Variants in GALNTL6 observed in about 807,000 individuals in gnomAD.
The protein encoded by GALNTL6 is polypeptide N-acetylgalactosaminyltransferase like 6, also known as polypeptide N-acetylgalactosaminyltransferase-like 6.
Under a neutral mutation model 73.7 loss-of-function variants are expected in GALNTL6, and 46 were observed. The observed-to-expected ratio is 0.62, with a 90% CI of 0.49 to 0.80. The LOEUF (loss-of-function observed/expected upper bound fraction) is 0.80, where lower values mean the gene tolerates loss of function less well. Among genes scored for constraint, GALNTL6 ranks in the 30% least tolerant of loss-of-function variants. GALNTL6 has a pLI of 0.00. For missense variants in GALNTL6, 604 were observed against 755.0 expected, an observed-to-expected ratio of 0.80 and a Z score of 2.34; for synonymous variants, 259 against 263.7, an observed-to-expected ratio of 0.98 and a Z score of 0.17.
At chr4:172,582,982 T>G (rs1737252147) in intron 5 of GALNTL6, among the ~76,000 whole-genome samples, 1 of 152,178 alleles carries the variant, frequency 6.6e-6, no homozygotes, top group South Asian at 2.1e-4. Context: ...TCACTTGAAA[T>G]TGAGAAAGTA....
chr4:171,846,015 T>C (rs778866700), intron 2 of GALNTL6, among the ~76,000 whole-genome samples: 45 of 152,162 alleles, frequency 3.0e-4, no homozygotes, highest in Non-Finnish European at 4.1e-4. Flanking sequence ...TGAGTTTGCT[T>C]TATTTCACTT....
chr4:172,343,934 A>C (rs987222380), intron 4 of GALNTL6, among the ~76,000 whole-genome samples: 1 of 152,202 alleles, frequency 6.6e-6, no homozygotes, highest in Non-Finnish European at 1.5e-5. Context: ...GTTACTCAAC[A>C]AAGAGATGTC....
intron 11 of GALNTL6, among the ~76,000 whole-genome samples, chr4:173,020,772 G>A (rs1752957838): frequency 6.6e-6 from 1 of 152,186 alleles, no homozygotes; most frequent in Non-Finnish European, 1.5e-5. Flanking sequence ...AGACCGTAGA[G>A]TGTTATTAAG....
chr4:171,944,122 T>A (rs1417758537), intron 2 of GALNTL6, among the ~76,000 whole-genome samples: 1 of 152,020 alleles, frequency 6.6e-6, no homozygotes, highest in Non-Finnish European at 1.5e-5. Context: ...GTATATCTTT[T>A]CATTATAAAA....
intron 5 of GALNTL6, among the ~76,000 whole-genome samples, chr4:172,393,477 G>T (rs1743738851): frequency 1.3e-5 from 2 of 152,042 alleles, no homozygotes; most frequent in African/African-American, 4.8e-5. Flanking sequence ...CTGAGTAGCA[G>T]GTTATTAAGT....
chr4:172,105,004 A>G (rs1732637452), intron 2 of GALNTL6, among the ~76,000 whole-genome samples: 1 of 152,210 alleles, frequency 6.6e-6, no homozygotes, highest in South Asian at 2.1e-4. Flanking sequence ...AAAGTCAACA[A>G]TTACAAAAAG....
chr4:172,671,377 G>A (rs971773877), intron 5 of GALNTL6, among the ~76,000 whole-genome samples: 4 of 152,086 alleles, frequency 2.6e-5, no homozygotes, highest in Non-Finnish European at 5.9e-5. Context: ...TCCCTAGTTA[G>A]CTGTATTCCT....
At chr4:172,057,228 C>T (rs1188366416) in intron 2 of GALNTL6, among the ~76,000 whole-genome samples, 8 of 151,766 alleles carry the variant, frequency 5.3e-5, no homozygotes, top group Admixed American at 3.3e-4. Flanking sequence ...AGCAACATGG[C>T]GAAACCCTGT....
intron 2 of GALNTL6, among the ~76,000 whole-genome samples, chr4:171,892,169 C>T (rs1216356717): frequency 2.0e-5 from 3 of 152,136 alleles, no homozygotes; most frequent in Admixed American, 2.0e-4. Context: ...TTCCTATCCC[C>T]AAGATACTTC....
chr4:173,022,469 A>G (rs534716758), intron 12 of GALNTL6, among the ~76,000 whole-genome samples: 3 of 152,356 alleles, frequency 2.0e-5, no homozygotes, highest in African/African-American at 7.2e-5. Flanking sequence ...AATAAGCAAA[A>G]CCACGCATAC....
chr4:172,872,235 A>G (rs1744985017), intron 7 of GALNTL6, among the ~76,000 whole-genome samples: 1 of 152,260 alleles, frequency 6.6e-6, no homozygotes, highest in African/African-American at 2.4e-5. Flanking sequence ...CAGAACAGAA[A>G]TAGGAAGCAA....
intron 5 of GALNTL6, among the ~76,000 whole-genome samples, chr4:172,534,136 CAG>C (rs1402375011): frequency 6.6e-6 from 1 of 152,186 alleles, no homozygotes; most frequent in Non-Finnish European, 1.5e-5. Flanking sequence ...ACTGCAAAAA[CAG>C]AGCTCAGAGT....
Position 171,990,984 on chromosome 4 carries a change from A to T in GALNTL6, c.138+176266A>T, listed in dbSNP as rs115659967. On this transcript the variant is annotated intron_variant, in intron 2 of 12. Transcript: ENST00000506823. ...ATGCAGATTGGAAAAAAGCATCAGA[A>T]TTTTCTGCCAAGCTTATGACTATCG... Among the ~76,000 whole-genome samples, 567 of 152,238 alleles carry T rather than the reference A, an allele frequency of 3.7e-3. 4 individuals carry two copies. The highest frequency in any genetic ancestry group is 0.013 in the African/African-American group (529 of 41,558).
intron 9 of GALNTL6, among the ~76,000 whole-genome samples, chr4:172,934,095 A>G (rs1748488310): frequency 2.6e-5 from 4 of 152,216 alleles, no homozygotes; most frequent in African/African-American, 9.6e-5. Flanking sequence ...CAGGATATCC[A>G]TATATGAAAC....
chr4:172,959,921 G>A (rs1749954176), intron 10 of GALNTL6, among the ~76,000 whole-genome samples: 1 of 152,186 alleles, frequency 6.6e-6, no homozygotes, highest in African/African-American at 2.4e-5. Flanking sequence ...AGATGTGGCT[G>A]GGGTTTGTCT....
chr4:172,204,525 G>A (rs189828046), intron 2 of GALNTL6, among the ~76,000 whole-genome samples: 40 of 152,114 alleles, frequency 2.6e-4, no homozygotes, highest in Admixed American at 7.2e-4. Flanking sequence ...ATTTTAATTT[G>A]GAGCTAAGAT....
At chr4:172,345,236 C>A (rs1741701075) in intron 4 of GALNTL6, among the ~76,000 whole-genome samples, 1 of 152,000 alleles carries the variant, frequency 6.6e-6, no homozygotes. Context: ...TGTGGTGTGA[C>A]TTTCCAATAT....
intron 2 of GALNTL6, among the ~76,000 whole-genome samples, chr4:171,821,181 A>G (rs1352273180): frequency 1.3e-5 from 2 of 152,028 alleles, no homozygotes; most frequent in African/African-American, 4.8e-5. Flanking sequence ...GACTACAGGC[A>G]GGCGCCATGA....
chr4:172,178,500 A>G (rs1349469517), intron 2 of GALNTL6, among the ~76,000 whole-genome samples: 2 of 151,892 alleles, frequency 1.3e-5, no homozygotes, highest in Admixed American at 1.3e-4. Context: ...ACTCCTACTT[A>G]TGAGTAAGAA....
Sources: allele counts gnomAD v4.1 joint callset (sites outside exome capture counted in the v4.1 genomes callset), GRCh38; gene constraint gnomAD v4.1.1; transcripts MANE v1.5; gene names NCBI Gene and HGNC (gene_info 2026-07-23, HGNC 2026-07-21).